The following MED12L variants were observed in gnomAD, a reference collection of about 807,000 sequenced individuals.
The protein encoded by MED12L is mediator complex subunit 12L, also known as mediator of RNA polymerase II transcription subunit 12-like protein.
Under a neutral mutation model 281.3 loss-of-function variants are expected in MED12L, and 60 were observed. The observed-to-expected ratio is 0.21, with a 90% CI of 0.17 to 0.26. The LOEUF is 0.26. MED12L is among the 10% of genes least tolerant of loss of function. The probability of loss-of-function intolerance (pLI) is 1.00; values close to 1 mark genes in which losing one functional copy is unlikely to be tolerated. For missense variants in MED12L, 2,146 were observed against 2,680.9 expected (o/e 0.80, Z 4.41); for synonymous variants, 974 against 987.2 (o/e 0.99, Z 0.25).
chr3:151,336,653 T>G, intron 16 of MED12L: 1 of 414,070 alleles, frequency 2.4e-6, no homozygotes. Flanking sequence ...AGACTGCATG[T>G]TATAAGTCTG....
At chr3:151,107,579 G>A (rs1291820010) in intron 2 of MED12L, among the ~76,000 whole-genome samples, 1 of 152,120 alleles carries the variant, frequency 6.6e-6, no homozygotes, top group Non-Finnish European at 1.5e-5. Flanking sequence ...GTATTTCAGG[G>A]GGTGGGAATG....
intron 16 of MED12L, chr3:151,294,926 C>G: frequency 6.2e-7 from 1 of 1,614,038 alleles, no homozygotes. Context: ...CTTGAAGTAC[C>G]AAGGTCCAAA....
At chr3:151,314,678 G>C (rs1748001119) in intron 16 of MED12L, among the ~76,000 whole-genome samples, 1 of 152,190 alleles carries the variant, frequency 6.6e-6, no homozygotes, top group Non-Finnish European at 1.5e-5. Context: ...GTCCTCATTT[G>C]TGGCTCTACC....
chr3:151,188,675 A>G (rs1225018181), intron 13 of MED12L, among the ~76,000 whole-genome samples, 195 bp downstream of exon 13: 2 of 152,252 alleles, frequency 1.3e-5, no homozygotes, highest in Non-Finnish European at 2.9e-5. Flanking sequence ...CAAGCTTCAA[A>G]GACTTTAAAA....
chr3:151,239,244 A>G (rs1733585671), intron 16 of MED12L, among the ~76,000 whole-genome samples: 1 of 152,266 alleles, frequency 6.6e-6, no homozygotes, highest in Non-Finnish European at 1.5e-5. Flanking sequence ...TTAAAGGTCA[A>G]GACCAAAAGA....
chr3:151,314,731 G>T (rs553854368), intron 16 of MED12L, among the ~76,000 whole-genome samples: 2 of 152,160 alleles, frequency 1.3e-5, no homozygotes, highest in East Asian at 3.9e-4. Flanking sequence ...TCCAAGCCTT[G>T]GGTTCTTTCA....
At chr3:151,260,463 T>C (rs1428370740) in intron 16 of MED12L, among the ~76,000 whole-genome samples, 1 of 152,048 alleles carries the variant, frequency 6.6e-6, no homozygotes, top group Non-Finnish European at 1.5e-5. Context: ...AGTCCTCCCA[T>C]ATTAGCCTCC....
intron 42 of MED12L, among the ~76,000 whole-genome samples, chr3:151,414,702 A>G (rs1577596118): frequency 2.9e-5 from 1 of 35,084 alleles, no homozygotes; most frequent in Non-Finnish European, 5.4e-5. Context: ...GTGACCTGTT[A>G]AAAATGTTAA....
In MED12L at chr3:151,295,326, C is replaced by T. The variant is rs1417932297; in HGVS notation, c.2251-54733C>T. 3 of 662,172 alleles carry T rather than the reference C, an allele frequency of 4.5e-6. No homozygotes were observed. In the East Asian group the frequency reaches 7.7e-5, roughly 17 times the overall value. The allele number at this position is 662,172 out of a possible 1,614,324, so 41.0% of individuals were successfully genotyped here. A position where few individuals can be genotyped will look rare whatever the true frequency, so the allele number is the denominator to read the frequency against. Reference sequence around the variant, plus strand: ...TTTCAGGTGAACTTAAAGATGTCATCAATGATTTACAGAGTCAAGGTAGCA... The same window carrying T: ...TTTCAGGTGAACTTAAAGATGTCATTAATGATTTACAGAGTCAAGGTAGCA... On this transcript the variant is annotated intron_variant, in intron 16 of 44. Coordinates refer to ENST00000687756, the MANE Select transcript of MED12L (RefSeq NM_001393769.1).
chr3:151,354,140 CAAA>C (rs63033360), intron 17 of MED12L, among the ~76,000 whole-genome samples: 3 of 62,840 alleles, frequency 4.8e-5, no homozygotes, highest in South Asian at 7.6e-4. Flanking sequence ...GACTCCGTCT[CAAA>C]AAAAAAAAAA....
At chr3:151,210,519 T>C (rs1726998483) in intron 16 of MED12L, among the ~76,000 whole-genome samples, 1 of 152,218 alleles carries the variant, frequency 6.6e-6, no homozygotes, top group African/African-American at 2.4e-5. Context: ...ATTACTCTTA[T>C]CTCAAATATT....
At chr3:151,258,966 G>A (rs1376023798) in intron 16 of MED12L, among the ~76,000 whole-genome samples, 1 of 151,918 alleles carries the variant, frequency 6.6e-6, no homozygotes, top group Non-Finnish European at 1.5e-5. Flanking sequence ...CTTCGCCTTT[G>A]CCACCTGTGA....
chr3:151,375,092 C>T (rs1183291066), intron 27 of MED12L, among the ~76,000 whole-genome samples: 1 of 152,100 alleles, frequency 6.6e-6, no homozygotes, highest in African/African-American at 2.4e-5. Flanking sequence ...GTGTTGGTTC[C>T]CAACTGTGAG....
intron 16 of MED12L, among the ~76,000 whole-genome samples, chr3:151,303,053 T>G (rs1746151813): frequency 6.6e-6 from 1 of 152,116 alleles, no homozygotes; most frequent in African/African-American, 2.4e-5. Context: ...ATGGAAATGC[T>G]GAGTGTAGCC....
chr3:151,395,938 A>G (rs1436741465), intron 39 of MED12L, among the ~76,000 whole-genome samples: 1 of 152,160 alleles, frequency 6.6e-6, no homozygotes, highest in African/African-American at 2.4e-5. Context: ...ATTTTGGTGG[A>G]TGGTGATGGC....
Position 151,436,174 on chromosome 3 carries a change from T to C in MED12L, c.*3370T>C, listed in dbSNP as rs540563948. On this transcript the variant is annotated 3_prime_UTR_variant, in exon 45 of 45. Transcript: ENST00000687756. ...AATGAAAATTTTCAGTGTGAACAAA[T>C]GGTGAATCATAAGACAGTTCAGTGC... is the stretch of plus-strand genomic sequence containing the variant. 2.6e-5 allele frequency: 4 copies of C among 152,400 alleles called. No homozygotes were observed. The highest frequency in any genetic ancestry group is 7.2e-5 in the African/African-American group (3 of 41,562). The allele number at this position is 152,400 out of a possible 1,614,324, so 9.4% of individuals were successfully genotyped here.
intron 5 of MED12L, among the ~76,000 whole-genome samples, chr3:151,131,099 G>A (rs1715322567): frequency 6.6e-6 from 1 of 152,102 alleles, no homozygotes; most frequent in Non-Finnish European, 1.5e-5. Context: ...TCTCCCAATT[G>A]ATAATCCTTG....
At chr3:151,425,566 TTG>T (rs149475948) in intron 43 of MED12L, 354 of 379,974 alleles carry the variant, frequency 9.3e-4, no homozygotes, top group Admixed American at 2.4e-3. Flanking sequence ...TTGTTTTTGT[TTG>T]TGTGTGTGTG....
intron 20 of MED12L, 110 bp from the exon 21 acceptor site, chr3:151,360,364 A>G: frequency 2.1e-6 from 2 of 959,318 alleles, no homozygotes; most frequent in Non-Finnish European, 3.2e-6. Flanking sequence ...TCAACAATCC[A>G]ATATCCTTTT....
Sources: allele counts gnomAD v4.1 joint callset (sites outside exome capture counted in the v4.1 genomes callset), GRCh38; gene constraint gnomAD v4.1.1; transcripts MANE v1.5; gene names NCBI Gene and HGNC (gene_info 2026-07-23, HGNC 2026-07-21).